Variants in SARDH observed in about 807,000 individuals in gnomAD.
SARDH encodes the protein sarcosine dehydrogenase.
In SARDH, 95 loss-of-function variants were observed where a neutral mutation model predicts 109.1. The ratio of observed to expected loss-of-function variants is 0.87; its 90% CI spans 0.74 to 1.03. SARDH has a LOEUF of 1.03. Among genes scored for constraint, SARDH ranks in the 50% least tolerant of loss-of-function variants. SARDH has a pLI of 0.00. For synonymous variants in SARDH, 572 were observed against 534.8 expected, an observed-to-expected ratio of 1.07 and a Z score of -0.96; for missense variants, 1,267 against 1,287.8, an observed-to-expected ratio of 0.98 and a Z score of 0.25.
intron 11 of SARDH, among the ~76,000 whole-genome samples, chr9:133,707,991 C>T (rs890955159): frequency 4.6e-5 from 7 of 152,142 alleles, no homozygotes; most frequent in Non-Finnish European, 8.8e-5. Flanking sequence ...GCCCTGTTGG[C>T]GCTGCTGCCA....
At chr9:133,661,758 G>A (rs1319315087), downstream of SARDH, among the ~76,000 whole-genome samples, 3 of 152,190 alleles carry the variant, frequency 2.0e-5, no homozygotes, top group African/African-American at 7.2e-5. Context: ...TGGGATTACA[G>A]GCGTCAGTCA....
rs902054665 is a variant in SARDH at position 133,695,170 on chromosome 9, C to T, written c.1808-799G>A. ...TAATCTGACTGCTGTCCTTCTAACA[C>T]GGTGGCTCACACCTGTAATCCCAGC... On this transcript the variant is annotated intron_variant, in intron 14 of 20. Transcript: ENST00000439388. Among the ~76,000 whole-genome samples the T allele has an allele frequency of 4.6e-5, 7 of 152,290 alleles. 1 individual carries two copies. In the South Asian group the frequency reaches 6.2e-4, roughly 14 times the overall value.
intron 17 of SARDH, among the ~76,000 whole-genome samples, chr9:133,682,322 A>G: frequency 6.6e-6 from 1 of 152,232 alleles, no homozygotes; most frequent in East Asian, 1.9e-4. Context: ...TACAGACTGC[A>G]TGGGATGCCC....
chr9:133,721,151 C>T (rs76230435), intron 6 of SARDH, among the ~76,000 whole-genome samples: 4,739 of 152,276 alleles, frequency 0.031, 86 homozygotes, highest in Middle Eastern at 0.048. Flanking sequence ...GATTGAAAAT[C>T]ACGCATTCAT....
intron 6 of SARDH, among the ~76,000 whole-genome samples, chr9:133,722,639 A>AGC (rs1491347964): frequency 3.1e-4 from 35 of 113,196 alleles, no homozygotes; most frequent in African/African-American, 1.3e-3. Context: ...AAAAACTACT[A>AGC]GCGCTCTCTC....
chr9:133,696,897 A>G (rs1015529996), intron 13 of SARDH, among the ~76,000 whole-genome samples: 4 of 152,172 alleles, frequency 2.6e-5, no homozygotes, highest in Non-Finnish European at 5.9e-5. Context: ...TCAATAGCCC[A>G]ATCTTCCACT....
Position 133,734,178 on chromosome 9 carries a change from G to T in SARDH, c.-5C>A, listed in dbSNP as rs770311495. 6.4e-7 allele frequency: 1 copy of T among 1,566,534 alleles called. No individual in the cohort carries two copies. Among genetic ancestry groups the T allele is most frequent in the Non-Finnish European group, 8.6e-7 (1 of 1,156,950 alleles). ...GGCTCGGCTCAGTGAGGCCATGGGG[G>T]CTCCAGGCCTCAGCGAAACAGGGAG... is the stretch of plus-strand genomic sequence containing the variant. On this transcript the variant is annotated 5_prime_UTR_variant, in exon 2 of 21. Coordinates refer to ENST00000439388, the MANE Select transcript of SARDH (RefSeq NM_001134707.2).
intron 15 of SARDH, among the ~76,000 whole-genome samples, chr9:133,690,788 G>A (rs1193366350): frequency 6.6e-6 from 1 of 152,130 alleles, no homozygotes; most frequent in Non-Finnish European, 1.5e-5. Flanking sequence ...CACCTCAAAG[G>A]GATGCCCCTA....
At chr9:133,661,351 AAC>A (rs1207008316), downstream of SARDH, among the ~76,000 whole-genome samples, 380 of 143,244 alleles carry the variant, frequency 2.7e-3, 2 homozygotes, top group African/African-American at 1.0e-2. Context: ...AAAAAAAAAC[AAC>A]AACAACAAAA....
intron 20 of SARDH, among the ~76,000 whole-genome samples, chr9:133,665,171 G>T (rs1285260090): frequency 1.3e-5 from 2 of 152,160 alleles, no homozygotes; most frequent in Non-Finnish European, 2.9e-5. Flanking sequence ...TGGGTGCATC[G>T]ACTGGTTCCC....
intron 19 of SARDH, among the ~76,000 whole-genome samples, chr9:133,668,320 C>CCT (rs1830155908): frequency 7.4e-6 from 1 of 135,576 alleles, no homozygotes; most frequent in Non-Finnish European, 1.6e-5. Context: ...TCTCCCCCAC[C>CCT]CTCCCTCTCC....
At chr9:133,690,552 G>A (rs533252336) in intron 15 of SARDH, 25 bp from the exon 16 acceptor site, 2 of 1,585,702 alleles carry the variant, frequency 1.3e-6, no homozygotes, top group South Asian at 2.2e-5. Context: ...CCTGGACTTA[G>A]AGCAGGATTT....
chr9:133,690,744 G>A (rs575907758), intron 15 of SARDH, among the ~76,000 whole-genome samples: 8 of 152,252 alleles, frequency 5.3e-5, no homozygotes, highest in Admixed American at 5.2e-4. Flanking sequence ...AGAAGGACCT[G>A]CTTCTCAACC....
chr9:133,727,068 G>C (rs1023039890), intron 6 of SARDH, among the ~76,000 whole-genome samples: 1 of 152,178 alleles, frequency 6.6e-6, no homozygotes, highest in African/African-American at 2.4e-5. Context: ...GCCCACGGAT[G>C]GAGCAGCCGC....
intron 13 of SARDH, among the ~76,000 whole-genome samples, chr9:133,700,503 T>C (rs917542440): frequency 3.0e-4 from 45 of 152,088 alleles, no homozygotes; most frequent in Admixed American, 2.9e-3. Flanking sequence ...ACTAGATATA[T>C]CTACAGAGAG....
chr9:133,735,389 C>T (rs1306020306), intron 1 of SARDH, among the ~76,000 whole-genome samples: 1 of 152,220 alleles, frequency 6.6e-6, no homozygotes, highest in Non-Finnish European at 1.5e-5. Context: ...GGAAACCCTC[C>T]CAGATCTGCC....
intron 17 of SARDH, among the ~76,000 whole-genome samples, chr9:133,675,676 C>T (rs1830488944): frequency 6.6e-6 from 1 of 152,222 alleles, no homozygotes; most frequent in Admixed American, 6.5e-5. Context: ...CCAGCAACCC[C>T]ACTTCTGGGT....
chr9:133,715,101 G>A (rs1832070303), intron 8 of SARDH, among the ~76,000 whole-genome samples: 2 of 152,138 alleles, frequency 1.3e-5, no homozygotes, highest in Admixed American at 1.3e-4. Context: ...TGAGAGCTCT[G>A]CCTGCCCTCC....
At chr9:133,685,771 T>C (rs1281547907) in intron 16 of SARDH, among the ~76,000 whole-genome samples, 1 of 152,162 alleles carries the variant, frequency 6.6e-6, no homozygotes, top group Non-Finnish European at 1.5e-5. Context: ...GCCTCAGTGC[T>C]GTACAGAAGA....
Sources: allele counts gnomAD v4.1 joint callset (sites outside exome capture counted in the v4.1 genomes callset), GRCh38; gene constraint gnomAD v4.1.1; transcripts MANE v1.5; gene names NCBI Gene and HGNC (gene_info 2026-07-23, HGNC 2026-07-21).